CNKSR2: variants seen among roughly 807,000 people sequenced by gnomAD.
CNKSR2 encodes the protein CNK homolog protein 2.
CNKSR2 carries 14 observed loss-of-function variants against 84.4 expected under a neutral mutation model. The observed-to-expected ratio is 0.17, with a 90% CI of 0.11 to 0.26. The LOEUF (loss-of-function observed/expected upper bound fraction) is 0.26, where lower values mean the gene tolerates loss of function less well. Among genes scored for constraint, CNKSR2 ranks in the 10% least tolerant of loss-of-function variants. CNKSR2 has a pLI of 1.00. For missense variants in CNKSR2, 485 were observed against 771.2 expected (o/e 0.63, Z 4.40); for synonymous variants, 275 against 277.9 (o/e 0.99, Z 0.10).
At chrX:21,483,758 G>A (rs963440506) in intron 5 of CNKSR2, among the ~76,000 whole-genome samples, 7 of 109,592 alleles carry the variant, frequency 6.4e-5, no homozygotes, top group African/African-American at 2.3e-4. Flanking sequence ...ACCATCATAA[G>A]AGTGCAAAAT....
chrX:21,460,074 C>T (rs972902465), intron 4 of CNKSR2, among the ~76,000 whole-genome samples: 3 of 111,754 alleles, frequency 2.7e-5, no homozygotes, highest in African/African-American at 6.5e-5. Flanking sequence ...CCTCAGCCGT[C>T]TTCCCACCAT....
At chrX:21,605,122 C>T (rs1036491759) in intron 18 of CNKSR2, among the ~76,000 whole-genome samples, 2 of 111,749 alleles carry the variant, frequency 1.8e-5, no homozygotes, top group Non-Finnish European at 3.8e-5. Flanking sequence ...AAAACAGACT[C>T]AGAGAGGTTA....
At chrX:21,467,072 C>T (rs1255064037) in intron 4 of CNKSR2, among the ~76,000 whole-genome samples, 1 of 111,486 alleles carries the variant, frequency 9.0e-6, no homozygotes, top group African/African-American at 3.3e-5. Context: ...AAATACAATT[C>T]TGAGGATCTC....
chrX:21,605,893 TATC>T (rs1321947947), intron 18 of CNKSR2, among the ~76,000 whole-genome samples: 1 of 112,229 alleles, frequency 8.9e-6, no homozygotes, highest in Non-Finnish European at 1.9e-5. Flanking sequence ...TGTTTTTTCT[TATC>T]ATCTGAAATT....
intron 6 of CNKSR2, chrX:21,492,403 A>T (rs1004842682): frequency 9.0e-6 from 1 of 111,282 alleles, no homozygotes; most frequent in Admixed American, 9.6e-5. Flanking sequence ...TCACACCTCT[A>T]TAGAGTAGAT....
rs139095384 is a variant in CNKSR2 at position 21,632,392 on chromosome X, T to A, written c.2693-16439T>A. ...AACTAAGGCCTTGGTTCCCAAGGCC[T>A]TTTTTAAAGTATATTACTTTGTTAA... On this transcript the variant is annotated intron_variant, in intron 20 of 21. Transcript: ENST00000379510. Among the ~76,000 whole-genome samples the A allele has an allele frequency of 8.3e-3, 923 of 111,835 alleles. 3 individuals carry two copies. Among genetic ancestry groups the A allele is most frequent in the African/African-American group, 0.028 (874 of 30,807 alleles).
intron 4 of CNKSR2, among the ~76,000 whole-genome samples, chrX:21,449,948 G>A (rs974245878): frequency 4.5e-5 from 5 of 111,964 alleles, no homozygotes; most frequent in African/African-American, 1.6e-4. Context: ...AATACAGTCT[G>A]CCACAGCAAT....
intron 11 of CNKSR2, among the ~76,000 whole-genome samples, chrX:21,550,950 C>T (rs1191376593): frequency 9.3e-6 from 1 of 107,922 alleles, no homozygotes; most frequent in African/African-American, 3.4e-5. Context: ...ACGGGAGAAT[C>T]ACTTCAACCT....
intron 11 of CNKSR2, among the ~76,000 whole-genome samples, chrX:21,542,660 A>G (rs2091986452): frequency 3.6e-5 from 4 of 111,692 alleles, no homozygotes. Flanking sequence ...TGCCCTTGCT[A>G]TTTCATCATA....
At chrX:21,550,295 G>T (rs1601936417) in intron 11 of CNKSR2, among the ~76,000 whole-genome samples, 1 of 112,290 alleles carries the variant, frequency 8.9e-6, no homozygotes, top group East Asian at 2.8e-4. Flanking sequence ...CATTTATGTG[G>T]CCGACAAACA....
chrX:21,398,234 A>G (rs1212926000), intron 1 of CNKSR2, among the ~76,000 whole-genome samples: 1 of 112,215 alleles, frequency 8.9e-6, no homozygotes, highest in Non-Finnish European at 1.9e-5. Context: ...AACTAAAAGT[A>G]TTTAACAAAA....
At chrX:21,417,934 T>C (rs2090444261) in intron 1 of CNKSR2, among the ~76,000 whole-genome samples, 1 of 111,524 alleles carries the variant, frequency 9.0e-6, no homozygotes, top group Non-Finnish European at 1.9e-5. Flanking sequence ...AAAGACTTCC[T>C]CCTGCCATTT....
chrX:21,438,719 A>G (rs945945665), intron 3 of CNKSR2, among the ~76,000 whole-genome samples: 4 of 111,515 alleles, frequency 3.6e-5, no homozygotes, highest in Non-Finnish European at 7.5e-5. Context: ...AAAGTATAAG[A>G]CAGAAGACAA....
chrX:21,484,276 G>T (rs1305952014), intron 5 of CNKSR2, among the ~76,000 whole-genome samples: 1 of 111,027 alleles, frequency 9.0e-6, no homozygotes, highest in Non-Finnish European at 1.9e-5. Context: ...TGGCGACAGA[G>T]TGAGACTTCG....
intron 13 of CNKSR2, among the ~76,000 whole-genome samples, chrX:21,576,945 AT>A (rs2092322943): frequency 9.0e-6 from 1 of 111,669 alleles, no homozygotes; most frequent in Non-Finnish European, 1.9e-5. Context: ...GGAATAAGGA[AT>A]TTTGCTTTCA....
intron 4 of CNKSR2, among the ~76,000 whole-genome samples, chrX:21,449,440 A>G (rs778351203): frequency 9.0e-6 from 1 of 110,966 alleles, no homozygotes; most frequent in East Asian, 2.8e-4. Flanking sequence ...CTAATAACCC[A>G]TGAAATGAAG....
chrX:21,485,485 A>G (rs1329590116), intron 5 of CNKSR2, among the ~76,000 whole-genome samples: 1 of 110,878 alleles, frequency 9.0e-6, no homozygotes, highest in Non-Finnish European at 1.9e-5. Flanking sequence ...GTATGTGCAG[A>G]TAGATAGTAT....
intron 20 of CNKSR2, among the ~76,000 whole-genome samples, chrX:21,626,995 A>G (rs1274495795): frequency 8.9e-6 from 1 of 111,742 alleles, no homozygotes; most frequent in East Asian, 2.8e-4. Flanking sequence ...GGAAAGCTGT[A>G]ATATTTAGGA....
chrX:21,603,324 G>T (rs1332710938), intron 18 of CNKSR2, among the ~76,000 whole-genome samples: 1 of 112,200 alleles, frequency 8.9e-6, no homozygotes, highest in Non-Finnish European at 1.9e-5. Flanking sequence ...TGATTAGGTT[G>T]CATGGTATTC....
Sources: gnomAD v4.1 joint callset for allele counts (sites outside exome capture counted in the v4.1 genomes callset) on GRCh38, gnomAD v4.1.1 for gene constraint, MANE v1.5 for transcripts, NCBI Gene and HGNC (gene_info 2026-07-23, HGNC 2026-07-21) for gene names.